The following SMAD3 variants were observed in gnomAD, a reference collection of about 807,000 sequenced individuals.
SMAD3 encodes MAD homolog 3.
Under a neutral mutation model 51.8 loss-of-function variants are expected in SMAD3, and 12 were observed. The ratio of observed to expected loss-of-function variants is 0.23; its 90% confidence interval spans 0.15 to 0.38. SMAD3 has a LOEUF of 0.38. SMAD3 is among the 10% of genes least tolerant of loss of function. The pLI is 1.00. For missense variants in SMAD3, 294 were observed against 565.6 expected (o/e 0.52, Z 4.87); for synonymous variants, 238 against 227.7 (o/e 1.05, Z -0.41).
At chr15:67,094,059 A>C (rs919426032) in intron 1 of SMAD3, among the ~76,000 whole-genome samples, 1 of 152,222 alleles carries the variant, frequency 6.6e-6, no homozygotes, top group Non-Finnish European at 1.5e-5. Context: ...TCCCAGGCCC[A>C]CACTTCCAGT....
At chr15:67,102,570 A>G (rs529574604) in intron 1 of SMAD3, among the ~76,000 whole-genome samples, 3 of 152,138 alleles carry the variant, frequency 2.0e-5, no homozygotes, top group African/African-American at 4.8e-5. Context: ...ATTCAGGGCC[A>G]TACTGGGATG....
At chr15:67,180,159 G>A (rs944362575) in intron 5 of SMAD3, among the ~76,000 whole-genome samples, 1 of 152,182 alleles carries the variant, frequency 6.6e-6, no homozygotes, top group Non-Finnish European at 1.5e-5. Context: ...GTGCAGAGAA[G>A]CAGTTGGAAG....
At chr15:67,099,002 T>C (rs1168762848) in intron 1 of SMAD3, 8 of 702,270 alleles carry the variant, frequency 1.1e-5, no homozygotes, top group Admixed American at 1.0e-4. Context: ...ACAGAGCGTA[T>C]GTCCTGAGCG....
At chr15:67,135,170 A>T (rs780308271) in intron 1 of SMAD3, among the ~76,000 whole-genome samples, 5 of 152,216 alleles carry the variant, frequency 3.3e-5, no homozygotes, top group Admixed American at 6.5e-5. Context: ...GCCAGGGGTC[A>T]GCAATCTGGG....
At chr15:67,186,926 G>A (rs1963235599) in intron 7 of SMAD3, 1 of 375,764 alleles carries the variant, frequency 2.7e-6, no homozygotes, top group South Asian at 2.0e-5. Context: ...AACGGCCAGA[G>A]CTCCTGTTCC....
At chr15:67,166,437 C>T (rs370697329) in intron 3 of SMAD3, 20 of 441,648 alleles carry the variant, frequency 4.5e-5, no homozygotes, top group African/African-American at 3.4e-4. Context: ...AGGGGTGAGG[C>T]GGAGGCAAGT....
At chr15:67,156,787 A>G (rs558802507) in intron 1 of SMAD3, among the ~76,000 whole-genome samples, 2 of 80,806 alleles carry the variant, frequency 2.5e-5, no homozygotes, top group Non-Finnish European at 4.5e-5. Context: ...GGCCCAGCCT[A>G]TGGGGCAGTA....
intron 7 of SMAD3, chr15:67,186,982 G>C (rs974508387): frequency 1.8e-5 from 8 of 451,684 alleles, no homozygotes; most frequent in Non-Finnish European, 2.7e-5. Flanking sequence ...CCTGGCCCAG[G>C]TCCCTTATCT....
At chr15:67,094,480 A>G (rs1054157583) in intron 1 of SMAD3, among the ~76,000 whole-genome samples, 1 of 152,146 alleles carries the variant, frequency 6.6e-6, no homozygotes, top group Non-Finnish European at 1.5e-5. Context: ...TACCCTGAGG[A>G]GAGGGCTGTG....
intron 8 of SMAD3, among the ~76,000 whole-genome samples, chr15:67,188,319 G>A (rs1445410004): frequency 6.6e-6 from 1 of 151,862 alleles, no homozygotes; most frequent in East Asian, 1.9e-4. Context: ...TTGTATTTTA[G>A]TAGAGAGGGG....
At chr15:67,152,222 C>G (rs944975421) in intron 1 of SMAD3, among the ~76,000 whole-genome samples, 6 of 152,050 alleles carry the variant, frequency 3.9e-5, no homozygotes, top group African/African-American at 1.4e-4. Context: ...ATGTTTTTAC[C>G]TAAATACTCA....
At chr15:67,087,640 C>A (rs1040765404) in intron 1 of SMAD3, among the ~76,000 whole-genome samples, 4 of 152,148 alleles carry the variant, frequency 2.6e-5, no homozygotes, top group Non-Finnish European at 5.9e-5. Flanking sequence ...GCTTTCCTTT[C>A]CCGGCGGGTG....
chr15:67,169,911 G>A (rs1019844616), intron 4 of SMAD3, among the ~76,000 whole-genome samples: 2 of 152,152 alleles, frequency 1.3e-5, no homozygotes, highest in African/African-American at 4.8e-5. Flanking sequence ...AATAGAGTAA[G>A]AATTGGGTAG....
At chr15:67,170,781 CTT>C (rs762266743) in intron 5 of SMAD3, 177 bp downstream of exon 5, 200 of 600,674 alleles carry the variant, frequency 3.3e-4, no homozygotes, top group Non-Finnish European at 4.7e-4. Flanking sequence ...AATGGGGAAA[CTT>C]GAGAACAGTG....
chr15:67,180,898 G>C (rs1357915564), intron 5 of SMAD3, among the ~76,000 whole-genome samples: 2 of 152,092 alleles, frequency 1.3e-5, no homozygotes, highest in Admixed American at 1.3e-4. Context: ...TCCTCTTCAG[G>C]TTTGGCCCAG....
rs730880215 is a variant in SMAD3 at position 67,181,453 on chromosome 15, G to A, written c.871G>A (p.Gly291Arg). The part of the protein sequence containing the change: ...AAVELTRRHI[G>R]RGVRLYYIGG... ...AGTGGAGCTGACACGGAGACACATC[G>A]GTATGGGGTGGCTCCATTCCCCGCC... Residue 291 changes from glycine (G) to arginine (R), a missense_variant and splice_region_variant, in exon 6 of 9, where the codon GGA becomes AGA. Physicochemically the swap from Gly to Arg is moderately radical, Grantham distance 125 (BLOSUM62 -2). This residue lies in a region of SMAD3 where 118 missense variants were observed against 278.0 expected (regional missense o/e 0.42). Coordinates refer to ENST00000327367, the MANE Select transcript of SMAD3 (RefSeq NM_005902.4). 1.2e-6 allele frequency: 2 copies of A among 1,609,788 alleles called. No homozygotes were observed. The highest frequency in any genetic ancestry group is 8.5e-7 in the Non-Finnish European group (1 of 1,178,628).
Position 67,184,876 on chromosome 15 carries a change from G to T in SMAD3, c.1009+12G>T, listed in dbSNP as rs759087344. On this transcript the variant is annotated intron_variant, in intron 7 of 8. Transcript: ENST00000327367. ...CAAGATCCCACCAGGTAAACGAGCC[G>T]CACAGGCACCCCTGCCTTGAGGTCC... 2 of 1,612,350 alleles carry T rather than the reference G, an allele frequency of 1.2e-6. No homozygotes were observed. The highest frequency in any genetic ancestry group is 1.7e-5 in the Admixed American group (1 of 60,026).
intron 6 of SMAD3, 152 bp from the exon 7 acceptor site, chr15:67,184,575 T>C (rs572136723): frequency 1.2e-5 from 11 of 886,048 alleles, no homozygotes; most frequent in Admixed American, 3.8e-5. Flanking sequence ...TCCCCTACTT[T>C]AGGCTTGGGC....
chr15:67,134,679 A>G (rs1961610426), intron 1 of SMAD3, among the ~76,000 whole-genome samples: 1 of 152,170 alleles, frequency 6.6e-6, no homozygotes, highest in African/African-American at 2.4e-5. Flanking sequence ...GTGTTGGGAA[A>G]TTACTAAAGG....
Sources: allele counts gnomAD v4.1 joint callset (sites outside exome capture counted in the v4.1 genomes callset), GRCh38; gene constraint gnomAD v4.1.1; regional missense constraint gnomAD v4.1.1; transcripts MANE v1.5; gene names NCBI Gene and HGNC (gene_info 2026-07-23, HGNC 2026-07-21).